Variants in CLPX observed in about 807,000 individuals in gnomAD.
The protein encoded by CLPX is ATP-dependent clpX-like chaperone, mitochondrial.
Under a neutral mutation model 76.4 loss-of-function variants are expected in CLPX, and 34 were observed. The observed-to-expected ratio is 0.45, with a 90% confidence interval of 0.34 to 0.59. The LOEUF is 0.59. Among genes scored for constraint, CLPX ranks in the 20% least tolerant of loss-of-function variants. CLPX has a pLI of 0.01. For missense variants in CLPX, 613 were observed against 757.0 expected, an observed-to-expected ratio of 0.81 and a Z score of 2.23; for synonymous variants, 248 against 270.9, an observed-to-expected ratio of 0.92 and a Z score of 0.83.
rs1595940697 is a variant in CLPX, at chr15:65,164,837, A to C, written c.514-649T>G. On this transcript the variant is annotated intron_variant, in intron 4 of 13. Coordinates refer to ENST00000300107, the MANE Select transcript of CLPX (RefSeq NM_006660.5). ...ACTGTGTCGCCAAGGCTGGTCTTGA[A>C]CTCCTGGGGCTCAAGCAATCTTCCT... 2.0e-5 allele frequency among the ~76,000 whole-genome samples: 3 copies of C among 151,590 alleles called. No homozygotes were observed. In the South Asian group the frequency reaches 6.3e-4, roughly 32 times the overall value.
chr15:65,163,899 G>C, intron 5 of CLPX, 130 bp downstream of exon 5: 1 of 825,530 alleles, frequency 1.2e-6, no homozygotes, highest in Non-Finnish European at 2.0e-6. Context: ...CACACTAATG[G>C]GGAATAACCT....
intron 3 of CLPX, among the ~76,000 whole-genome samples, chr15:65,171,369 C>T (rs1422539805): frequency 6.6e-6 from 1 of 151,880 alleles, no homozygotes; most frequent in Non-Finnish European, 1.5e-5. Context: ...ATTGCTTGAA[C>T]CTGGAAAGCA....
At chr15:65,180,541 C>T in intron 1 of CLPX, among the ~76,000 whole-genome samples, 1 of 151,370 alleles carries the variant, frequency 6.6e-6, no homozygotes, top group East Asian at 1.9e-4. Flanking sequence ...CCATTTATGC[C>T]CTATATTCTT....
intron 1 of CLPX, among the ~76,000 whole-genome samples, chr15:65,184,206 C>A (rs2088220894): frequency 6.6e-6 from 1 of 152,188 alleles, no homozygotes; most frequent in Non-Finnish European, 1.5e-5. Context: ...AGAAGTCAGT[C>A]ATTATAACAG....
At chr15:65,162,484 T>G in intron 6 of CLPX, 120 bp downstream of exon 6, 1 of 622,438 alleles carries the variant, frequency 1.6e-6, no homozygotes, top group South Asian at 2.1e-5. Flanking sequence ...ATAATACGTA[T>G]CTTTCTTGGT....
intron 6 of CLPX, among the ~76,000 whole-genome samples, chr15:65,161,280 T>G (rs2087853724): frequency 6.6e-6 from 1 of 152,194 alleles, no homozygotes; most frequent in Admixed American, 6.5e-5. Flanking sequence ...TCAGTCCTCC[T>G]AAAAGCTGTA....
chr15:65,165,501 A>C (rs897176268), intron 4 of CLPX, among the ~76,000 whole-genome samples: 16 of 147,610 alleles, frequency 1.1e-4, no homozygotes, highest in African/African-American at 4.0e-4. Flanking sequence ...CTCCTGCCTC[A>C]GCCTCCCGAG....
chr15:65,167,471 A>G (rs568138306), intron 3 of CLPX, among the ~76,000 whole-genome samples: 52 of 152,358 alleles, frequency 3.4e-4, no homozygotes, highest in South Asian at 8.3e-4. Flanking sequence ...CAAGATTCAT[A>G]TATTTTTCCA....
At position 65,175,696 on chromosome 15, in the gene CLPX, C is replaced by T. The variant is rs114833929; in HGVS notation, c.358+3238G>A. 6.0e-3 allele frequency among the ~76,000 whole-genome samples: 906 copies of T among 152,182 alleles called. 8 individuals carry two copies. Among genetic ancestry groups the T allele is most frequent in the African/African-American group, 0.021 (874 of 41,494 alleles). ...GGAGCATTTCCTTTAAGCGTCATGACGCACTCAAAAGGATTTCAGAGCATT... is the reference window on the plus strand; with the variant it reads ...GGAGCATTTCCTTTAAGCGTCATGATGCACTCAAAAGGATTTCAGAGCATT... On this transcript the variant is annotated intron_variant, in intron 3 of 13. Transcript: ENST00000300107.
At chr15:65,164,698 T>C in intron 4 of CLPX, among the ~76,000 whole-genome samples, 1 of 152,174 alleles carries the variant, frequency 6.6e-6, no homozygotes, top group African/African-American at 2.4e-5. Flanking sequence ...AATTTAATTT[T>C]TTCTCAGACA....
Position 65,175,927 on chromosome 15 carries a change from T to TAC in CLPX, c.358+3006_358+3007insGT, listed in dbSNP as rs565251941. Among the ~76,000 whole-genome samples, 872 of 152,302 alleles carry TAC rather than the reference T, an allele frequency of 5.7e-3. 5 individuals are homozygous for TAC. Among genetic ancestry groups the TAC allele is most frequent in the Middle Eastern group, 0.014 (4 of 294 alleles). ...TGCACTGCTAGGGCCTACAAATAGTTAGAGGACAGGGACAGTGTCATGATC... is the reference window on the plus strand; with the variant it reads ...TGCACTGCTAGGGCCTACAAATAGTTACAGAGGACAGGGACAGTGTCATGATC... On this transcript the variant is annotated intron_variant, in intron 3 of 13. Coordinates refer to ENST00000300107, the MANE Select transcript of CLPX (RefSeq NM_006660.5).
intron 9 of CLPX, 173 bp downstream of exon 9, chr15:65,156,671 A>C (rs2087793021): frequency 2.4e-6 from 1 of 425,078 alleles, no homozygotes; most frequent in Non-Finnish European, 4.2e-6. Context: ...GTTATTTCAA[A>C]TTGTCAACAA....
intron 6 of CLPX, among the ~76,000 whole-genome samples, chr15:65,160,354 A>G (rs949027870): frequency 2.0e-5 from 3 of 152,168 alleles, no homozygotes; most frequent in African/African-American, 7.2e-5. Context: ...TAATTAGTGA[A>G]TAATTCACAA....
intron 11 of CLPX, among the ~76,000 whole-genome samples, chr15:65,153,987 T>C (rs1471066473): frequency 6.6e-6 from 1 of 152,236 alleles, no homozygotes; most frequent in East Asian, 1.9e-4. Flanking sequence ...CTAGCATTTA[T>C]AGTCCAGTGT....
intron 7 of CLPX, 26 bp downstream of exon 7, chr15:65,158,549 G>A (rs768733311): frequency 1.0e-5 from 16 of 1,580,132 alleles, no homozygotes; most frequent in Admixed American, 7.1e-5. Context: ...AAAATGAGTA[G>A]TAAATTTTCT....
chr15:65,166,558 T>C, intron 4 of CLPX, 73 bp downstream of exon 4: 1 of 1,482,664 alleles, frequency 6.7e-7, no homozygotes. Context: ...GGATTCAGTG[T>C]AAACTTGGGA....
chr15:65,151,066 C>T (rs982339476), intron 13 of CLPX, among the ~76,000 whole-genome samples, 153 bp from the exon 14 acceptor site: 2 of 152,042 alleles, frequency 1.3e-5, no homozygotes, highest in Non-Finnish European at 2.9e-5. Context: ...CGGCTTAGGC[C>T]GGACACAGTG....
Position 65,171,442 on chromosome 15 carries a change from G to A in CLPX, c.359-4657C>T, listed in dbSNP as rs188086715. On this transcript the variant is annotated intron_variant, in intron 3 of 13. Coordinates refer to ENST00000300107, the MANE Select transcript of CLPX (RefSeq NM_006660.5). ...AGCCTGGGCAATAGAGCGAGACTCA[G>A]TCTCAAAAAAAAAAAAAACATTTCG... 3.9e-3 allele frequency among the ~76,000 whole-genome samples: 581 copies of A among 149,318 alleles called. 1 individual carries two copies. Among genetic ancestry groups the A allele is most frequent in the Non-Finnish European group, 6.5e-3 (441 of 67,566 alleles).
intron 3 of CLPX, among the ~76,000 whole-genome samples, chr15:65,167,841 T>C (rs2087938265): frequency 1.3e-5 from 2 of 151,716 alleles, no homozygotes; most frequent in African/African-American, 4.8e-5. Flanking sequence ...TGAGCTGAGA[T>C]TGCGCCATTG....
Sources: allele counts gnomAD v4.1 joint callset (sites outside exome capture counted in the v4.1 genomes callset), GRCh38; gene constraint gnomAD v4.1.1; transcripts MANE v1.5; gene names NCBI Gene and HGNC (gene_info 2026-07-23, HGNC 2026-07-21).